Variants in TAF3 observed in about 807,000 individuals in gnomAD.
TAF3 encodes transcription initiation factor TFIID subunit 3.
Under a neutral mutation model 80.6 loss-of-function variants are expected in TAF3, and 7 were observed. The observed-to-expected ratio is 0.09, with a 90% CI of 0.05 to 0.16. The LOEUF (loss-of-function observed/expected upper bound fraction) is 0.16, where lower values mean the gene tolerates loss of function less well. TAF3 is among the 10% of genes least tolerant of loss of function. The pLI is 1.00. For synonymous variants in TAF3, 444 were observed against 446.1 expected, an observed-to-expected ratio of 1.00 and a Z score of 0.06; for missense variants, 921 against 1,140.2, an observed-to-expected ratio of 0.81 and a Z score of 2.77.
chr10:7,896,905 A>T (rs568157659), intron 2 of TAF3, among the ~76,000 whole-genome samples: 33 of 152,246 alleles, frequency 2.2e-4, no homozygotes, highest in Non-Finnish European at 3.7e-4. Context: ...GCCCTTTTCC[A>T]ACCTTCTTTA....
rs140922817 is a variant in TAF3 at position 7,857,910 on chromosome 10, A to ATTTT, written c.409+33363_409+33366dup. ...CCCAGGGTTCTTTTCAACATTTCTG[A>ATTTT]TTTTTTTTTTTTTTTTCTGCTAACC... On this transcript the variant is annotated intron_variant, in intron 2 of 6. Transcript: ENST00000344293. Among the ~76,000 whole-genome samples the ATTTT allele has an allele frequency of 5.1e-3, 700 of 138,526 alleles. 44 individuals are homozygous for ATTTT. In the East Asian group the frequency reaches 0.11, roughly 23 times the overall value. 90.9% of individuals were successfully genotyped at this position (138,526 alleles called of 152,430 possible). A position where few individuals can be genotyped will look rare whatever the true frequency, so the allele number is the denominator to read the frequency against.
intron 2 of TAF3, among the ~76,000 whole-genome samples, chr10:7,845,526 G>A (rs1229374935): frequency 6.6e-6 from 1 of 152,238 alleles, no homozygotes; most frequent in Non-Finnish European, 1.5e-5. Flanking sequence ...TCACGAAAGG[G>A]TATGTGGAAG....
chr10:7,987,103 C>T (rs1214722974), intron 4 of TAF3, among the ~76,000 whole-genome samples: 1 of 152,124 alleles, frequency 6.6e-6, no homozygotes, highest in Non-Finnish European at 1.5e-5. Flanking sequence ...AGGCAGATCA[C>T]TTGAGCCCAG....
chr10:7,921,411 A>G (rs1837760783), intron 2 of TAF3, among the ~76,000 whole-genome samples: 1 of 152,118 alleles, frequency 6.6e-6, no homozygotes, highest in African/African-American at 2.4e-5. Context: ...TAAGTACTTT[A>G]TCAACTTTCT....
chr10:7,955,198 C>G (rs1838123697), intron 2 of TAF3, among the ~76,000 whole-genome samples: 1 of 152,118 alleles, frequency 6.6e-6, no homozygotes, highest in African/African-American at 2.4e-5. Context: ...CCTCTCTGCC[C>G]CACCTCTCCC....
chr10:7,862,432 C>A (rs1837157440), intron 2 of TAF3, among the ~76,000 whole-genome samples: 1 of 152,150 alleles, frequency 6.6e-6, no homozygotes, highest in Admixed American at 6.5e-5. Flanking sequence ...CTATGATGGG[C>A]AGCAGCAGAA....
At chr10:7,903,989 A>G (rs867084890) in intron 2 of TAF3, among the ~76,000 whole-genome samples, 7 of 152,346 alleles carry the variant, frequency 4.6e-5, no homozygotes, top group Middle Eastern at 6.8e-3. Flanking sequence ...GATCTGGGTC[A>G]GGGTGTCTGA....
At chr10:7,932,639 T>G (rs1009428190) in intron 2 of TAF3, among the ~76,000 whole-genome samples, 8 of 151,784 alleles carry the variant, frequency 5.3e-5, no homozygotes, top group African/African-American at 1.9e-4. Flanking sequence ...AATACAAGTG[T>G]GTAGCTGACG....
intron 2 of TAF3, among the ~76,000 whole-genome samples, chr10:7,915,642 C>CAAAA (rs546868294): frequency 2.6e-5 from 2 of 78,016 alleles, no homozygotes; most frequent in South Asian, 4.6e-4. Context: ...AACTCCGTCT[C>CAAAA]AAAAAAAAAA....
chr10:7,842,171 T>G lies in TAF3; in HGVS notation c.409+17611T>G, dbSNP rs1244786940. Among the ~76,000 whole-genome samples the G allele has an allele frequency of 6.2e-5, 6 of 97,386 alleles. No individual in the cohort carries two copies. In the South Asian group the frequency reaches 1.6e-3, roughly 25 times the overall value. 63.9% of individuals were successfully genotyped at this position (97,386 alleles called of 152,430 possible). A position where few individuals can be genotyped will look rare whatever the true frequency, so the allele number is the denominator to read the frequency against. On this transcript the variant is annotated intron_variant, in intron 2 of 6. Coordinates refer to ENST00000344293, the MANE Select transcript of TAF3 (RefSeq NM_031923.4). The stretch of plus-strand genomic sequence containing the variant: ...ATATTGTTTTTTTTTTTTGTTTTTT[T>G]TTTTGTTTTTTTTTTTTTTTGAGAC...
In TAF3 at chr10:8,009,167, C is replaced by T. The variant is rs768316318; in HGVS notation, c.2405C>T (p.Ala802Val). 2.2e-5 allele frequency: 34 copies of T among 1,536,330 alleles called. No homozygotes were observed. The highest frequency in any genetic ancestry group is 3.0e-5 in the Non-Finnish European group (34 of 1,140,952). ...ACCCCACCGCCGGCCCCCGCGCCCG[C>T]CCCCGGCCCCATGCTCGTCAGCCCT... is the stretch of plus-strand genomic sequence containing the variant. ...PKTPPPAPAP[A>V]PGPMLVSPAP... Residue 802 changes from alanine (A) to valine (V), a missense_variant, in exon 5 of 7, where the codon GCC (alanine) becomes GTC (valine). This residue lies in a region of TAF3 where 743 missense variants were observed against 821.0 expected (regional missense o/e 0.90). Transcript: ENST00000344293. The surrounding 1 kb of genome is among the most constrained non-coding windows in gnomAD (Gnocchi z 4.1).
chr10:7,899,439 G>T lies in TAF3; in HGVS notation c.410-64481G>T, dbSNP rs577730945. ...GATCCCCAGACTCCTCCATGATTCT[G>T]TCCTGAGGAGCAGTTTACTTACACA... On this transcript the variant is annotated intron_variant, in intron 2 of 6. Coordinates refer to ENST00000344293, the MANE Select transcript of TAF3 (RefSeq NM_031923.4). Among the ~76,000 whole-genome samples, 4 of 152,272 alleles carry T rather than the reference G, an allele frequency of 2.6e-5. No individual in the cohort carries two copies. The East Asian group carries it at 7.7e-4, about 29-fold the overall frequency.
At chr10:7,954,224 TC>T (rs1294046682) in intron 2 of TAF3, among the ~76,000 whole-genome samples, 1 of 108,640 alleles carries the variant, frequency 9.2e-6, no homozygotes, top group Non-Finnish European at 1.9e-5. Flanking sequence ...ACAGAGCTCT[TC>T]CTAGTGAGAT....
At chr10:7,931,402 C>A (rs936075234) in intron 2 of TAF3, among the ~76,000 whole-genome samples, 15 of 152,240 alleles carry the variant, frequency 9.9e-5, no homozygotes, top group Non-Finnish European at 1.6e-4. Flanking sequence ...ATGACAGAGT[C>A]CCCTTACTAT....
chr10:7,998,241 CTATA>C (rs59519247), intron 4 of TAF3, among the ~76,000 whole-genome samples: 14,903 of 134,256 alleles, frequency 0.11, 857 homozygotes, highest in South Asian at 0.15. Flanking sequence ...TGAGTGAGAA[CTATA>C]TATATATATA....
chr10:7,823,551 G>A (rs949772879), intron 1 of TAF3, among the ~76,000 whole-genome samples: 2 of 151,892 alleles, frequency 1.3e-5, no homozygotes, highest in Non-Finnish European at 2.9e-5. Context: ...GGGGAAGATC[G>A]CTTGAGCCTA....
intron 2 of TAF3, among the ~76,000 whole-genome samples, chr10:7,921,586 G>A (rs1429642426): frequency 1.3e-5 from 2 of 152,214 alleles, no homozygotes; most frequent in South Asian, 4.1e-4. Flanking sequence ...TTCAACTTTT[G>A]TTGCACTTAC....
intron 3 of TAF3, among the ~76,000 whole-genome samples, chr10:7,967,850 T>A (rs116607642): frequency 6.6e-6 from 1 of 152,332 alleles, no homozygotes; most frequent in African/African-American, 2.4e-5. Context: ...AGGTCAGCTA[T>A]TAATAGGTTT....
At chr10:7,840,990 C>T (rs1438848937) in intron 2 of TAF3, among the ~76,000 whole-genome samples, 1 of 152,110 alleles carries the variant, frequency 6.6e-6, no homozygotes, top group African/African-American at 2.4e-5. Context: ...GCTGGGATTA[C>T]AGGCACACGC....
Sources: gnomAD v4.1 joint callset for allele counts (sites outside exome capture counted in the v4.1 genomes callset) on GRCh38, gnomAD v4.1.1 for gene constraint, gnomAD v4.1.1 regional missense constraint, Gnocchi (gnomAD v3.1) non-coding constraint, MANE v1.5 for transcripts, NCBI Gene and HGNC (gene_info 2026-07-23, HGNC 2026-07-21) for gene names.